Variants in EBF1 observed in about 807,000 individuals in gnomAD.
EBF1 encodes transcription factor COE1.
Under a neutral mutation model 68.4 loss-of-function variants are expected in EBF1, and 10 were observed. The observed-to-expected ratio is 0.15, with a 90% CI of 0.09 to 0.25. The LOEUF is 0.25. Ranked by LOEUF, EBF1 falls within the 10% of genes least tolerant of loss-of-function variation. EBF1 has a pLI of 1.00. For synonymous variants in EBF1, 298 were observed against 299.8 expected, an observed-to-expected ratio of 0.99 and a Z score of 0.06; for missense variants, 509 against 794.4, an observed-to-expected ratio of 0.64 and a Z score of 4.32.
chr5:158,770,810 T>A (rs1457614096), intron 10 of EBF1, among the ~76,000 whole-genome samples: 1 of 152,144 alleles, frequency 6.6e-6, no homozygotes, highest in African/African-American at 2.4e-5. Flanking sequence ...AACTGACTGG[T>A]CAGGGCTCTT....
intron 6 of EBF1, among the ~76,000 whole-genome samples, chr5:158,905,372 T>G (rs17543752): frequency 1.3e-5 from 2 of 152,018 alleles, no homozygotes; most frequent in African/African-American, 4.8e-5. Flanking sequence ...TTAAAGGGCC[T>G]TGCACTCTCT....
intron 7 of EBF1, 25 bp from the exon 8 acceptor site, chr5:158,823,342 T>A (rs781097943): frequency 6.3e-7 from 1 of 1,588,772 alleles, no homozygotes; most frequent in African/African-American, 1.4e-5. Context: ...AAGAAATGAA[T>A]GAACATTTTA....
chr5:158,777,863 C>A (rs1248269878), intron 9 of EBF1, among the ~76,000 whole-genome samples: 1 of 152,078 alleles, frequency 6.6e-6, no homozygotes, highest in Non-Finnish European at 1.5e-5. Flanking sequence ...CAAATCAGAG[C>A]CGAGCTTTGC....
chr5:158,945,464 G>A (rs560520704), intron 6 of EBF1, among the ~76,000 whole-genome samples: 139 of 152,256 alleles, frequency 9.1e-4, no homozygotes, highest in Admixed American at 3.1e-3. Flanking sequence ...ATGAAATTCC[G>A]AGTTGAAAAT....
chr5:158,761,913 T>G (rs1771544837), intron 10 of EBF1, among the ~76,000 whole-genome samples: 1 of 152,234 alleles, frequency 6.6e-6, no homozygotes, highest in Non-Finnish European at 1.5e-5. Flanking sequence ...TTTATAAGAA[T>G]AGTTCTACTT....
At chr5:158,753,834 C>T (rs1283015861) in intron 10 of EBF1, among the ~76,000 whole-genome samples, 3 of 152,094 alleles carry the variant, frequency 2.0e-5, no homozygotes, top group African/African-American at 7.2e-5. Flanking sequence ...AAAATGTTTA[C>T]TTTCAGACAG....
At chr5:158,831,846 A>G (rs1787650518) in intron 7 of EBF1, among the ~76,000 whole-genome samples, 1 of 152,116 alleles carries the variant, frequency 6.6e-6, no homozygotes, top group Non-Finnish European at 1.5e-5. Flanking sequence ...GTGTCAGAAG[A>G]GTTTTCCAGG....
intron 11 of EBF1, 95 bp from the exon 12 acceptor site, chr5:158,714,277 G>C: frequency 1.4e-6 from 2 of 1,422,064 alleles, no homozygotes; most frequent in Non-Finnish European, 2.0e-6. Flanking sequence ...GCCATACTTT[G>C]CCAAGGCACT....
At chr5:158,872,778 G>C (rs1252031917) in intron 6 of EBF1, among the ~76,000 whole-genome samples, 1 of 151,968 alleles carries the variant, frequency 6.6e-6, no homozygotes, top group Non-Finnish European at 1.5e-5. Flanking sequence ...TACATTTTTG[G>C]AGGAACTATT....
chr5:158,813,701 G>T (rs1309614872), intron 8 of EBF1, among the ~76,000 whole-genome samples: 20 of 152,130 alleles, frequency 1.3e-4, no homozygotes. Flanking sequence ...TGAGGAAACA[G>T]AGGCCCAGAG....
Position 158,874,787 on chromosome 5 carries a change from A to G in EBF1, c.555-34677T>C, listed in dbSNP as rs143374732. ...GATATATTAAAGGGAGAGGAGGAAA[A>G]AAAAGGCCAGTGTTTTACACCTACA... On this transcript the variant is annotated intron_variant, in intron 6 of 15. Transcript: ENST00000313708. Among the ~76,000 whole-genome samples, 533 of 152,302 alleles carry G rather than the reference A, an allele frequency of 3.5e-3. 5 individuals are homozygous for G. Among genetic ancestry groups the G allele is most frequent in the African/African-American group, 0.012 (511 of 41,556 alleles).
intron 6 of EBF1, among the ~76,000 whole-genome samples, chr5:158,857,375 T>C (rs1033550445): frequency 9.9e-5 from 15 of 152,086 alleles, no homozygotes; most frequent in African/African-American, 3.6e-4. Context: ...AATTATTATG[T>C]TGCAAAATAT....
At chr5:159,039,368 T>C (rs1236462695) in intron 6 of EBF1, among the ~76,000 whole-genome samples, 2 of 152,266 alleles carry the variant, frequency 1.3e-5, no homozygotes, top group Non-Finnish European at 2.9e-5. Flanking sequence ...AAATGCATTT[T>C]CTAAAAGTTA....
chr5:159,004,871 G>A (rs1329299635), intron 6 of EBF1, among the ~76,000 whole-genome samples: 6 of 152,144 alleles, frequency 3.9e-5, no homozygotes, highest in African/African-American at 1.4e-4. Flanking sequence ...AACTCTTCCT[G>A]TAAGAAGCCA....
intron 6 of EBF1, among the ~76,000 whole-genome samples, chr5:158,851,473 AGAG>A (rs1792663672): frequency 2.3e-5 from 2 of 87,672 alleles, no homozygotes; most frequent in Admixed American, 1.2e-4. Context: ...GAAGGGAAGG[AGAG>A]AAGGGAAGGG....
At chr5:158,944,633 G>C (rs1328450023) in intron 6 of EBF1, among the ~76,000 whole-genome samples, 1 of 152,180 alleles carries the variant, frequency 6.6e-6, no homozygotes, top group Non-Finnish European at 1.5e-5. Flanking sequence ...AGATCCTTGA[G>C]GAATCACCAC....
chr5:158,700,056 C>T (rs1439201493), intron 15 of EBF1, among the ~76,000 whole-genome samples: 1 of 152,212 alleles, frequency 6.6e-6, no homozygotes. Flanking sequence ...AATAAAATGA[C>T]ACATGCAAAG....
intron 6 of EBF1, among the ~76,000 whole-genome samples, chr5:158,867,531 G>A (rs1582725463): frequency 6.6e-6 from 1 of 152,172 alleles, no homozygotes; most frequent in Non-Finnish European, 1.5e-5. Context: ...TTGCACACCT[G>A]GATTGAACAC....
intron 6 of EBF1, among the ~76,000 whole-genome samples, chr5:158,893,659 CG>C (rs1562238068): frequency 6.6e-6 from 1 of 152,042 alleles, no homozygotes; most frequent in East Asian, 1.9e-4. Context: ...AAAGGTTCCA[CG>C]AAGAGAAAGG....
Sources: allele counts gnomAD v4.1 joint callset (sites outside exome capture counted in the v4.1 genomes callset), GRCh38; gene constraint gnomAD v4.1.1; transcripts MANE v1.5; gene names NCBI Gene and HGNC (gene_info 2026-07-23, HGNC 2026-07-21).